The following TSPAN14 variants were observed in gnomAD, a reference collection of about 807,000 sequenced individuals.
The protein encoded by TSPAN14 is tetraspanin-14.
TSPAN14 carries 16 observed loss-of-function variants against 36.6 expected under a neutral mutation model. That is an observed-to-expected ratio of 0.44 (90% CI 0.30 to 0.66). TSPAN14 has a LOEUF of 0.66. Among genes scored for constraint, TSPAN14 ranks in the 30% least tolerant of loss-of-function variants. TSPAN14 has a pLI of 0.12. For missense variants in TSPAN14, 231 were observed against 355.1 expected (o/e 0.65, Z 2.81); for synonymous variants, 139 against 143.8 (o/e 0.97, Z 0.24).
Position 80,509,237 on chromosome 10 carries a change from T to G in TSPAN14, c.280-64T>G. 1 of 1,541,916 alleles carries G rather than the reference T, an allele frequency of 6.5e-7. No individual in the cohort carries two copies. Among genetic ancestry groups the G allele is most frequent in the Non-Finnish European group, 8.8e-7 (1 of 1,131,240 alleles). The stretch of plus-strand genomic sequence containing the variant: ...GATGGTGGTTCTGGGTCAGGTGGGG[T>G]TATGTGTGTGGGGGTGCAGGCTGGT... On this transcript the variant is annotated intron_variant, in intron 4 of 8. Transcript: ENST00000429989. This position sits in a 1 kb window ranked among gnomAD's most constrained non-coding sequence, Gnocchi z 4.7.
Position 80,476,511 on chromosome 10 carries a change from G to A in TSPAN14, c.-17-12706G>A, listed in dbSNP as rs1341874794. ...GCTCACTGCAAGCTCCGCCTCCCGG[G>A]TTCACGCCATTCTCCTGTCTCAGCC... is the stretch of plus-strand genomic sequence containing the variant. On this transcript the variant is annotated intron_variant, in intron 1 of 8. Transcript: ENST00000429989. 1.0e-4 allele frequency among the ~76,000 whole-genome samples: 15 copies of A among 146,210 alleles called. No homozygotes were observed. The East Asian group carries it at 2.9e-3, about 29-fold the overall frequency.
At chr10:80,495,018 A>G (rs1199570958) in intron 2 of TSPAN14, among the ~76,000 whole-genome samples, 1 of 152,244 alleles carries the variant, frequency 6.6e-6, no homozygotes, top group African/African-American at 2.4e-5. Flanking sequence ...ATCTGCTAAT[A>G]TAGAACATCT....
exon 9 of TSPAN14, chr10:80,518,100 C>T (rs561787384): frequency 2.0e-6 from 2 of 1,012,748 alleles, no homozygotes; most frequent in East Asian, 5.2e-5. Context: ...TCTTAAGCAT[C>T]AGCGTGACGT....
intron 2 of TSPAN14, among the ~76,000 whole-genome samples, chr10:80,502,588 T>G (rs1306057581): frequency 1.3e-5 from 2 of 151,986 alleles, no homozygotes; most frequent in Non-Finnish European, 2.9e-5. Flanking sequence ...GGGTCTGGGT[T>G]TTCTCTCTTA....
intron 1 of TSPAN14, among the ~76,000 whole-genome samples, chr10:80,474,242 C>T (rs534749345): frequency 1.2e-4 from 18 of 151,950 alleles, no homozygotes; most frequent in African/African-American, 2.2e-4. Context: ...GGATTGGCTT[C>T]GGAGAATGAG....
chr10:80,458,113 A>T (rs1845811869), intron 1 of TSPAN14, among the ~76,000 whole-genome samples: 1 of 152,170 alleles, frequency 6.6e-6, no homozygotes, highest in African/African-American at 2.4e-5. Context: ...TGTGGCCTGT[A>T]GGGGCAGCCA....
At chr10:80,461,888 C>T (rs1845987494) in intron 1 of TSPAN14, among the ~76,000 whole-genome samples, 1 of 150,894 alleles carries the variant, frequency 6.6e-6, no homozygotes, top group Non-Finnish European at 1.5e-5. Flanking sequence ...CAGTATGGTT[C>T]TCACTGTTGT....
chr10:80,479,819 A>G (rs1171285198), intron 1 of TSPAN14, among the ~76,000 whole-genome samples: 2 of 150,514 alleles, frequency 1.3e-5, no homozygotes, highest in South Asian at 2.1e-4. Flanking sequence ...GTTTTTTCCA[A>G]TTCTGTGAAG....
At chr10:80,486,299 C>G (rs1405289301) in intron 1 of TSPAN14, among the ~76,000 whole-genome samples, 1 of 152,208 alleles carries the variant, frequency 6.6e-6, no homozygotes, top group Non-Finnish European at 1.5e-5. Context: ...TCCCTGTAGC[C>G]TTTCCATGTT....
At chr10:80,467,421 C>G (rs1846304003) in intron 1 of TSPAN14, among the ~76,000 whole-genome samples, 1 of 152,150 alleles carries the variant, frequency 6.6e-6, no homozygotes, top group Non-Finnish European at 1.5e-5. Flanking sequence ...GATGTAGAGG[C>G]TGGGATTTGA....
intron 2 of TSPAN14, among the ~76,000 whole-genome samples, chr10:80,490,851 A>G (rs924495967): frequency 1.3e-5 from 2 of 152,216 alleles, no homozygotes; most frequent in Non-Finnish European, 2.9e-5. Flanking sequence ...GATTCTGTGC[A>G]GGAGGGCCTG....
At chr10:80,502,843 C>G (rs540390535) in intron 2 of TSPAN14, among the ~76,000 whole-genome samples, 219 of 152,078 alleles carry the variant, frequency 1.4e-3, no homozygotes, top group African/African-American at 5.0e-3. Context: ...ATTATGAGAT[C>G]ATCGAGAGGG....
chr10:80,459,620 T>C (rs1357229700), intron 1 of TSPAN14: 1 of 153,070 alleles, frequency 6.5e-6, no homozygotes, highest in Non-Finnish European at 1.5e-5. Flanking sequence ...AAGGGGCTAG[T>C]GAACCTTCTC....
chr10:80,520,751 C>T (rs771024458), exon 9 of TSPAN14: 2 of 533,388 alleles, frequency 3.7e-6, no homozygotes, highest in Non-Finnish European at 7.7e-6. Flanking sequence ...CCTTCCTTTG[C>T]ACCACCCACC....
rs1840504279 is a variant in TSPAN14 at position 80,509,645 on chromosome 10, C to T, written c.450+174C>T. 1 of 682,948 alleles carries T rather than the reference C, an allele frequency of 1.5e-6. No homozygotes were observed. The highest frequency in any genetic ancestry group is 2.4e-6 in the Non-Finnish European group (1 of 422,788). 42.3% of individuals were successfully genotyped at this position (682,948 alleles called of 1,614,324 possible). A position where few individuals can be genotyped will look rare whatever the true frequency, so the allele number is the denominator to read the frequency against. ...CCTCTGGTCTGTTCCACTTTGCCGG[C>T]TTGTGGTTGCCTGGTGGGCCAGCCC... On this transcript the variant is annotated intron_variant, in intron 5 of 8. Transcript: ENST00000429989. The surrounding 1 kb of genome is among the most constrained non-coding windows in gnomAD (Gnocchi z 4.7).
chr10:80,483,641 G>A (rs1847414422), intron 1 of TSPAN14, among the ~76,000 whole-genome samples: 1 of 152,052 alleles, frequency 6.6e-6, no homozygotes, highest in Non-Finnish European at 1.5e-5. Context: ...GGGTATGGTG[G>A]CTTATGCCTA....
At chr10:80,504,626 G>A in intron 2 of TSPAN14, 102 bp from the exon 3 acceptor site, 3 of 1,407,572 alleles carry the variant, frequency 2.1e-6, no homozygotes, top group Non-Finnish European at 3.0e-6. Context: ...ATGTGAGCTA[G>A]GAGCATGCCC....
At chr10:80,507,301 G>A in exon 4 of TSPAN14, 1 of 1,614,232 alleles carries the variant, frequency 6.2e-7, no homozygotes, top group Non-Finnish European at 8.5e-7. Flanking sequence ...CTGATGGTGG[G>A]CGTGGTGATG....
chr10:80,515,079 T>G (rs1425515063), intron 7 of TSPAN14, among the ~76,000 whole-genome samples: 1 of 152,244 alleles, frequency 6.6e-6, no homozygotes, highest in East Asian at 1.9e-4. Context: ...AGTATTTTAT[T>G]CTAGTTGCCT....
Sources: allele counts gnomAD v4.1 joint callset (sites outside exome capture counted in the v4.1 genomes callset), GRCh38; gene constraint gnomAD v4.1.1; non-coding constraint Gnocchi (gnomAD v3.1); transcripts MANE v1.5; gene names NCBI Gene and HGNC (gene_info 2026-07-23, HGNC 2026-07-21).